QRSL1: variants seen among roughly 807,000 people sequenced by gnomAD.
The protein encoded by QRSL1 is glutaminyl-tRNA amidotransferase subunit QRSL1, also known as glutamyl-tRNA(Gln) amidotransferase subunit A, mitochondrial.
QRSL1 carries 54 observed loss-of-function variants against 61.6 expected under a neutral mutation model. The ratio of observed to expected loss-of-function variants is 0.88; its 90% CI spans 0.70 to 1.10. QRSL1 has a LOEUF of 1.10. Among genes scored for constraint, QRSL1 ranks in the 50% least tolerant of loss-of-function variants. QRSL1 has a pLI of 0.00. For synonymous variants in QRSL1, 228 were observed against 225.7 expected, an observed-to-expected ratio of 1.01 and a Z score of -0.09; for missense variants, 505 against 622.6, an observed-to-expected ratio of 0.81 and a Z score of 2.01.
chr6:106,666,085 G>A lies in QRSL1; in HGVS notation c.*83G>A, dbSNP rs548118595. 1,126 of 1,092,740 alleles carry A rather than the reference G, an allele frequency of 1.0e-3. 6 individuals are homozygous for A. Among genetic ancestry groups the A allele is most frequent in the African/African-American group, 1.9e-3 (125 of 64,260 alleles). 67.7% of individuals were successfully genotyped at this position (1,092,740 alleles called of 1,614,324 possible). On this transcript the variant is annotated 3_prime_UTR_variant, in exon 11 of 11. Coordinates refer to ENST00000369046, the MANE Select transcript of QRSL1 (RefSeq NM_018292.5). Reference sequence around the variant, plus strand: ...TCCCAGCACTTTGGGAGGCCAAGGCGAGCGGATCATGAGGTCAGAAGATCT... The same window carrying A: ...TCCCAGCACTTTGGGAGGCCAAGGCAAGCGGATCATGAGGTCAGAAGATCT...
intron 1 of QRSL1, 80 bp from the exon 2 acceptor site, chr6:106,640,269 A>C: frequency 1.8e-5 from 22 of 1,255,352 alleles, no homozygotes; most frequent in East Asian, 2.4e-5. Context: ...TAGCCACTCC[A>C]TCTCCCCCCA....
At chr6:106,652,146 G>A (rs1777195338) in intron 5 of QRSL1, 63 bp from the exon 6 acceptor site, 4 of 1,435,732 alleles carry the variant, frequency 2.8e-6, no homozygotes, top group Non-Finnish European at 3.8e-6. Context: ...AATTGAAAGG[G>A]TAGATTCCAA....
At chr6:106,652,100 T>G (rs1241460448) in intron 5 of QRSL1, 109 bp from the exon 6 acceptor site, 3 of 1,113,648 alleles carry the variant, frequency 2.7e-6, no homozygotes, top group East Asian at 5.2e-5. Flanking sequence ...GTGTTACTTT[T>G]GTGTAATCAG....
chr6:106,631,406 A>G (rs537333793), intron 1 of QRSL1, among the ~76,000 whole-genome samples: 33 of 152,334 alleles, frequency 2.2e-4, no homozygotes, highest in Admixed American at 1.0e-3. Flanking sequence ...CAATGGGAAT[A>G]TGTGTAATAT....
In QRSL1 at chr6:106,668,033, A is replaced by G. The variant is rs946883484; in HGVS notation, c.*2031A>G. 4 of 152,024 alleles carry G rather than the reference A, an allele frequency of 2.6e-5. No homozygotes were observed. The highest frequency in any genetic ancestry group is 3.9e-4 in the East Asian group (2 of 5,190). The allele number at this position is 152,024 out of a possible 1,614,324, so 9.4% of individuals were successfully genotyped here. Reference sequence around the variant, plus strand: ...AGTCTCAAACTCCTGGGCTCAAGTGATCTGCCTCCCTCAGCCTCCCAAAGT... The same window carrying G: ...AGTCTCAAACTCCTGGGCTCAAGTGGTCTGCCTCCCTCAGCCTCCCAAAGT... On this transcript the variant is annotated 3_prime_UTR_variant, in exon 11 of 11. Coordinates refer to ENST00000369046, the MANE Select transcript of QRSL1 (RefSeq NM_018292.5).
intron 1 of QRSL1, among the ~76,000 whole-genome samples, chr6:106,634,874 A>G (rs1352482844): frequency 6.6e-6 from 1 of 152,062 alleles, no homozygotes; most frequent in Non-Finnish European, 1.5e-5. Context: ...TGTTTTGGAT[A>G]TGGGGTTTGA....
Position 106,652,303 on chromosome 6 carries a change from C to A in QRSL1, c.652C>A (p.His218Asn). Residue 218 changes from histidine to asparagine, a missense_variant, in exon 6 of 11, where the codon CAT becomes AAT. Physicochemically the swap from His to Asn is moderately conservative, Grantham distance 68. Transcript: ENST00000369046. ...ACCAAGCTATGGCTTAGTTTCCCGT[C>A]ATGGTCTCATTCCCCTGGTGAATTC... ...FKPSYGLVSR[H>N]GLIPLVNSMD... 6.2e-7 allele frequency: 1 copy of A among 1,614,172 alleles called. No individual in the cohort carries two copies. Among genetic ancestry groups the A allele is most frequent in the Non-Finnish European group, 8.5e-7 (1 of 1,180,022 alleles).
At chr6:106,654,077 C>T (rs1777227047) in intron 7 of QRSL1, among the ~76,000 whole-genome samples, 1 of 152,058 alleles carries the variant, frequency 6.6e-6, no homozygotes, top group Admixed American at 6.6e-5. Context: ...ACAGGCTGGG[C>T]ACGGTGGCTC....
chr6:106,652,620 C>G, intron 7 of QRSL1, 38 bp downstream of exon 7: 1 of 1,613,176 alleles, frequency 6.2e-7, no homozygotes, highest in Non-Finnish European at 8.5e-7. Flanking sequence ...GAAATACTGT[C>G]AAGTCCAATA....
In QRSL1 at chr6:106,663,072, T is replaced by G; in HGVS notation, c.1253T>G (p.Leu418Trp). 2 of 1,613,186 alleles carry G rather than the reference T, an allele frequency of 1.2e-6. No homozygotes were observed. Among genetic ancestry groups the G allele is most frequent in the Non-Finnish European group, 1.7e-6 (2 of 1,179,070 alleles). ...GCTTTTAACTCTGGAGTAGATGTCT[T>G]GCTAACTCCCACCACCTTGAGTGAG... ...VNAFNSGVDV[L>W]LTPTTLSEAV... Residue 418 changes from leucine (L) to tryptophan (W), a missense_variant, in exon 10 of 11, where the codon TTG (leucine) becomes TGG (tryptophan). By Grantham distance (61) the Leu-to-Trp change is moderately conservative. Coordinates refer to ENST00000369046, the MANE Select transcript of QRSL1 (RefSeq NM_018292.5).
chr6:106,639,747 A>G (rs1993774), intron 1 of QRSL1, among the ~76,000 whole-genome samples: 65,006 of 151,874 alleles, frequency 0.43, 14,556 homozygotes, highest in Non-Finnish European at 0.51. Context: ...CTTTCGGTGC[A>G]GTTTTTTTTT....
At chr6:106,635,871 A>C (rs868277693) in intron 1 of QRSL1, among the ~76,000 whole-genome samples, 11 of 141,312 alleles carry the variant, frequency 7.8e-5, no homozygotes, top group Non-Finnish European at 1.6e-4. Context: ...ACTCCATTTC[A>C]AAAAAAAAAA....
chr6:106,639,121 T>TTTTTG lies in QRSL1; in HGVS notation c.25-1224_25-1223insGTTTT, dbSNP rs1313584786. On this transcript the variant is annotated intron_variant, in intron 1 of 10. Transcript: ENST00000369046. ...TGTGGTTATTTGTGTGTTTTGTTGT[T>TTTTTG]TTTTTTTTTTTTTTTTTTTTTTTTT... is the stretch of plus-strand genomic sequence containing the variant. 6.2e-3 allele frequency among the ~76,000 whole-genome samples: 336 copies of TTTTTG among 54,596 alleles called. 12 individuals are homozygous for TTTTTG. Among genetic ancestry groups the TTTTTG allele is most frequent in the African/African-American group, 0.02 (296 of 14,938 alleles). The allele number at this position is 54,596 out of a possible 152,430, so 35.8% of individuals were successfully genotyped here.
At chr6:106,632,398 T>G (rs1422562870) in intron 1 of QRSL1, among the ~76,000 whole-genome samples, 1 of 152,040 alleles carries the variant, frequency 6.6e-6, no homozygotes, top group Non-Finnish European at 1.5e-5. Context: ...ATTTTTTTTT[T>G]AGAGATGGGG....
chr6:106,654,660 A>G (rs2114712916), intron 7 of QRSL1, 70 bp from the exon 8 acceptor site: 1 of 1,328,908 alleles, frequency 7.5e-7, no homozygotes, highest in South Asian at 1.4e-5. Flanking sequence ...TCATCTATAC[A>G]GATGAAGTAC....
In QRSL1 at chr6:106,640,527, T is replaced by C; in HGVS notation, c.184+19T>C. 6.6e-7 allele frequency: 1 copy of C among 1,517,090 alleles called. No homozygotes were observed. The highest frequency in any genetic ancestry group is 8.8e-7 in the Non-Finnish European group (1 of 1,130,046). 94.0% of individuals were successfully genotyped at this position (1,517,090 alleles called of 1,614,324 possible). On this transcript the variant is annotated intron_variant, in intron 2 of 10. Coordinates refer to ENST00000369046, the MANE Select transcript of QRSL1 (RefSeq NM_018292.5). ...AAGAATGGTAAATTGCTTTTAACTATACTTAATTGTTATATCTCCAGAGAA... is the reference window on the plus strand; with the variant it reads ...AAGAATGGTAAATTGCTTTTAACTACACTTAATTGTTATATCTCCAGAGAA...
chr6:106,642,106 G>T (rs891666259), intron 3 of QRSL1, among the ~76,000 whole-genome samples: 2 of 152,198 alleles, frequency 1.3e-5, no homozygotes, highest in African/African-American at 4.8e-5. Context: ...ACCCAGAGTG[G>T]AGTGCAGTGG....
At position 106,666,226 on chromosome 6, in the gene QRSL1, C is replaced by T. The variant is rs1012110731; in HGVS notation, c.*224C>T. ...ACTCAGGAGGCTGAGGCAGGAGAAT[C>T]ACTTGAACCCTGGAGGTGGAGGTTG... On this transcript the variant is annotated 3_prime_UTR_variant, in exon 11 of 11. Coordinates refer to ENST00000369046, the MANE Select transcript of QRSL1 (RefSeq NM_018292.5). 1.4e-5 allele frequency: 7 copies of T among 493,852 alleles called. No individual in the cohort carries two copies. Among genetic ancestry groups the T allele is most frequent in the Non-Finnish European group, 2.2e-5 (6 of 272,866 alleles). 30.6% of individuals were successfully genotyped at this position (493,852 alleles called of 1,614,324 possible).
intron 7 of QRSL1, 66 bp downstream of exon 7, chr6:106,652,648 A>T: frequency 6.2e-7 from 1 of 1,603,504 alleles, no homozygotes; most frequent in Non-Finnish European, 8.5e-7. Flanking sequence ...CAGACTTGGG[A>T]GGCGGATTGG....
Sources: allele counts gnomAD v4.1 joint callset (sites outside exome capture counted in the v4.1 genomes callset), GRCh38; gene constraint gnomAD v4.1.1; transcripts MANE v1.5; gene names NCBI Gene and HGNC (gene_info 2026-07-23, HGNC 2026-07-21).